The following LMO4 variants were observed in gnomAD, a reference collection of about 807,000 sequenced individuals.
LMO4 encodes LIM domain only 4.
A neutral mutation model predicts 18.5 loss-of-function variants in LMO4; 3 were observed. That is an observed-to-expected ratio of 0.16 (90% CI 0.07 to 0.42). The LOEUF (loss-of-function observed/expected upper bound fraction) is 0.42. LMO4 is among the 10% of genes least tolerant of loss of function. LMO4 has a pLI of 0.99. For synonymous variants in LMO4, 100 were observed against 88.1 expected, an observed-to-expected ratio of 1.14 and a Z score of -0.76; for missense variants, 121 against 219.9, an observed-to-expected ratio of 0.55 and a Z score of 2.84.
At chr1:87,335,302 G>C (rs1191188161) in intron 2 of LMO4, among the ~76,000 whole-genome samples, 1 of 152,170 alleles carries the variant, frequency 6.6e-6, no homozygotes, top group Admixed American at 6.5e-5. Context: ...GGAGACCGGC[G>C]GGTGGGGCTC....
At position 87,337,455 on chromosome 1, in the gene LMO4, G is replaced by A. The variant is rs539928778; in HGVS notation, c.237-2081G>A. ...GAAAAGGGTATTTTTGAGATGGAGTGTCACTGTGTACCTGTTGGTAGTGGC... is the reference window on the plus strand; with the variant it reads ...GAAAAGGGTATTTTTGAGATGGAGTATCACTGTGTACCTGTTGGTAGTGGC... On this transcript the variant is annotated intron_variant, in intron 2 of 4. Transcript: ENST00000370544. Among the ~76,000 whole-genome samples, 6 of 152,262 alleles carry A rather than the reference G, an allele frequency of 3.9e-5. No homozygotes were observed. In the South Asian group the frequency reaches 1.0e-3, roughly 26 times the overall value.
rs1047334938 is a variant in LMO4, at chr1:87,347,200, A to G, written c.*2404A>G. The G allele has an allele frequency of 2.0e-5, 3 of 152,254 alleles. No individual in the cohort carries two copies. Among genetic ancestry groups the G allele is most frequent in the East Asian group, 1.9e-4 (1 of 5,196 alleles). The allele number at this position is 152,254 out of a possible 1,614,324, so 9.4% of individuals were successfully genotyped here. ...TGTCACTCATGTTAGTATAATCCAC[A>G]TGCAAGTGATGAAGCCTTCTCTTTG... On this transcript the variant is annotated 3_prime_UTR_variant, in exon 5 of 5. Coordinates refer to ENST00000370544, the MANE Select transcript of LMO4 (RefSeq NM_006769.4).
At chr1:87,338,858 A>C (rs1480543856) in intron 2 of LMO4, among the ~76,000 whole-genome samples, 1 of 152,252 alleles carries the variant, frequency 6.6e-6, no homozygotes, top group Non-Finnish European at 1.5e-5. Context: ...GAGATGAAGT[A>C]ATCTAAATTG....
At position 87,344,922 on chromosome 1, in the gene LMO4, C is replaced by T. The variant is rs981892614; in HGVS notation, c.*126C>T. ...CCAGTGCCAGCTCCATGCCATTGCACCTTCTTTAGTCTTGATTGCCCTTCC... is the reference window on the plus strand; with the variant it reads ...CCAGTGCCAGCTCCATGCCATTGCATCTTCTTTAGTCTTGATTGCCCTTCC... On this transcript the variant is annotated 3_prime_UTR_variant, in exon 5 of 5. Transcript: ENST00000370544. 7 of 872,694 alleles carry T rather than the reference C, an allele frequency of 8.0e-6. No homozygotes were observed. Among genetic ancestry groups the T allele is most frequent in the African/African-American group, 1.7e-5 (1 of 59,388 alleles). 54.1% of individuals were successfully genotyped at this position (872,694 alleles called of 1,614,324 possible). A position where few individuals can be genotyped will look rare whatever the true frequency, so the allele number is the denominator to read the frequency against.
chr1:87,340,666 C>T (rs1396296657), intron 4 of LMO4, among the ~76,000 whole-genome samples: 1 of 152,210 alleles, frequency 6.6e-6, no homozygotes, highest in African/African-American at 2.4e-5. Context: ...ACCCAATTTA[C>T]AATTCATTTA....
chr1:87,334,182 C>CG (rs1650232901), intron 2 of LMO4, among the ~76,000 whole-genome samples: 3 of 152,124 alleles, frequency 2.0e-5, no homozygotes, highest in South Asian at 2.1e-4. Context: ...ATGGCATCTA[C>CG]GTTCTTACTT....
chr1:87,330,798 T>C (rs1650117253), intron 1 of LMO4, among the ~76,000 whole-genome samples: 1 of 152,216 alleles, frequency 6.6e-6, no homozygotes, highest in Admixed American at 6.5e-5. Flanking sequence ...TAATTGGCAG[T>C]AAATAACTTG....
intron 4 of LMO4, among the ~76,000 whole-genome samples, chr1:87,341,277 T>C (rs1233307968): frequency 3.9e-5 from 6 of 152,186 alleles, no homozygotes; most frequent in Admixed American, 6.5e-5. Context: ...TAATTTCAGA[T>C]TGGTGATAGA....
At chr1:87,331,353 C>T (rs2100773214) in intron 1 of LMO4, 1 of 152,492 alleles carries the variant, frequency 6.6e-6, no homozygotes, top group East Asian at 1.9e-4. Context: ...ACTTTACACA[C>T]TGCACCCACC....
At chr1:87,330,112 T>G (rs982709549) in intron 1 of LMO4, among the ~76,000 whole-genome samples, 1 of 151,986 alleles carries the variant, frequency 6.6e-6, no homozygotes, top group African/African-American at 2.4e-5. Context: ...CTCTTTTAGA[T>G]TTAATCAGCA....
At chr1:87,336,395 C>T (rs1255686345) in intron 2 of LMO4, among the ~76,000 whole-genome samples, 1 of 152,208 alleles carries the variant, frequency 6.6e-6, no homozygotes. Flanking sequence ...TTTCATATTG[C>T]ATGTATTTTG....
rs1199010012 is a variant in LMO4, at chr1:87,348,146, A to G, written c.*3350A>G. Reference sequence around the variant, plus strand: ...ATATTTCTTAGGGCCCATAAATCATATAATAAACAGTGAACCCAAGAGCTA... The same window carrying G: ...ATATTTCTTAGGGCCCATAAATCATGTAATAAACAGTGAACCCAAGAGCTA... On this transcript the variant is annotated 3_prime_UTR_variant, in exon 5 of 5. Coordinates refer to ENST00000370544, the MANE Select transcript of LMO4 (RefSeq NM_006769.4). The G allele has an allele frequency of 6.6e-6, 1 of 152,586 alleles. No homozygotes were observed. The highest frequency in any genetic ancestry group is 2.4e-5 in the African/African-American group (1 of 41,448). The allele number at this position is 152,586 out of a possible 1,614,324, so 9.5% of individuals were successfully genotyped here. A position where few individuals can be genotyped will look rare whatever the true frequency, so the allele number is the denominator to read the frequency against.
chr1:87,332,666 G>C (rs538759209), intron 2 of LMO4, among the ~76,000 whole-genome samples: 65 of 152,376 alleles, frequency 4.3e-4, no homozygotes, highest in Non-Finnish European at 7.5e-4. Flanking sequence ...TACAAGTGTA[G>C]TTAGTGAGAA....
Position 87,344,881 on chromosome 1 carries a change from AC to A in LMO4, c.*87del. 1.4e-6 allele frequency: 2 copies of A among 1,386,178 alleles called. No homozygotes were observed. The highest frequency in any genetic ancestry group is 2.3e-5 in the South Asian group (2 of 85,712). 85.9% of individuals were successfully genotyped at this position (1,386,178 alleles called of 1,614,324 possible). On this transcript the variant is annotated 3_prime_UTR_variant, in exon 5 of 5. Transcript: ENST00000370544. Reference sequence around the variant, plus strand: ...CCCATGTGTCTTCAGTAGACAAGTCACCTTTGTAGCTAGCACCAGTGCCAGC... The same window carrying A: ...CCCATGTGTCTTCAGTAGACAAGTCACTTTGTAGCTAGCACCAGTGCCAGC...
Position 87,347,932 on chromosome 1 carries a change from C to T in LMO4, c.*3136C>T, listed in dbSNP as rs1027655901. The T allele has an allele frequency of 1.3e-5, 2 of 152,102 alleles. No individual in the cohort carries two copies. Among genetic ancestry groups the T allele is most frequent in the South Asian group, 4.1e-4 (2 of 4,830 alleles). 9.4% of individuals were successfully genotyped at this position (152,102 alleles called of 1,614,324 possible). A position where few individuals can be genotyped will look rare whatever the true frequency, so the allele number is the denominator to read the frequency against. On this transcript the variant is annotated 3_prime_UTR_variant, in exon 5 of 5. Coordinates refer to ENST00000370544, the MANE Select transcript of LMO4 (RefSeq NM_006769.4). ...CTGTAGTGTCTTATAAAATACAAAACGAGAAAACTGACACACCAAAATGAA... is the reference window on the plus strand; with the variant it reads ...CTGTAGTGTCTTATAAAATACAAAATGAGAAAACTGACACACCAAAATGAA...
chr1:87,339,742 A>C, intron 3 of LMO4, 110 bp downstream of exon 3: 3 of 734,932 alleles, frequency 4.1e-6, no homozygotes, highest in Non-Finnish European at 6.9e-6. Context: ...AGCTGCAGAC[A>C]CTTGAAGGAA....
In LMO4 at chr1:87,345,571, A is replaced by AG. The variant is rs1650603639; in HGVS notation, c.*776dup. The AG allele has an allele frequency of 1.3e-5, 2 of 152,192 alleles. No individual in the cohort carries two copies. Among genetic ancestry groups the AG allele is most frequent in the Admixed American group, 1.3e-4 (2 of 15,282 alleles). The allele number at this position is 152,192 out of a possible 1,614,324, so 9.4% of individuals were successfully genotyped here. On this transcript the variant is annotated 3_prime_UTR_variant, in exon 5 of 5. Transcript: ENST00000370544. The stretch of plus-strand genomic sequence containing the variant: ...TGTATTTAAATAATAAAAACTTAAA[A>AG]GAAAAAATATTTAATGGTGTTTGGG...
intron 4 of LMO4, 64 bp from the exon 5 acceptor site, chr1:87,344,724 G>A: frequency 6.5e-7 from 1 of 1,528,926 alleles, no homozygotes; most frequent in Non-Finnish European, 9.1e-7. Context: ...AAGCAGTCAT[G>A]TTTGAGTTTA....
At position 87,337,250 on chromosome 1, in the gene LMO4, T is replaced by C. The variant is rs115993367; in HGVS notation, c.237-2286T>C. On this transcript the variant is annotated intron_variant, in intron 2 of 4. Coordinates refer to ENST00000370544, the MANE Select transcript of LMO4 (RefSeq NM_006769.4). ...CCCACCATTTTGTGGCTGATTGTTC[T>C]CTGAAAGGTTATGATAGCAGCCCTG... Among the ~76,000 whole-genome samples the C allele has an allele frequency of 5.2e-3, 797 of 152,360 alleles. 7 individuals carry two copies. The highest frequency in any genetic ancestry group is 0.018 in the African/African-American group (750 of 41,576).
Sources: allele counts gnomAD v4.1 joint callset (sites outside exome capture counted in the v4.1 genomes callset), GRCh38; gene constraint gnomAD v4.1.1; transcripts MANE v1.5; gene names NCBI Gene and HGNC (gene_info 2026-07-23, HGNC 2026-07-21).